The following CDC25A variants were observed in gnomAD, a reference collection of about 807,000 sequenced individuals.
CDC25A encodes the protein M-phase inducer phosphatase 1.
Under a neutral mutation model 64.6 loss-of-function variants are expected in CDC25A, and 17 were observed. That is an observed-to-expected ratio of 0.26 (90% CI 0.18 to 0.39). CDC25A has a LOEUF of 0.39. CDC25A is among the 10% of genes least tolerant of loss of function. The pLI is 1.00. For missense variants in CDC25A, 473 were observed against 654.8 expected (o/e 0.72, Z 3.03); for synonymous variants, 229 against 238.6 (o/e 0.96, Z 0.37).
chr3:48,164,266 T>A (rs765264811), intron 13 of CDC25A, 41 bp downstream of exon 13: 5 of 1,468,192 alleles, frequency 3.4e-6, no homozygotes. Context: ...AAAAGCATCA[T>A]GGAGCCTGTG....
intron 2 of CDC25A, among the ~76,000 whole-genome samples, chr3:48,186,178 C>T (rs2032836215): frequency 1.3e-5 from 2 of 152,294 alleles, no homozygotes; most frequent in South Asian, 2.1e-4. Context: ...CTTTACTACC[C>T]ATCCTTCAAG....
At chr3:48,161,926 T>C (rs918212929) in intron 13 of CDC25A, among the ~76,000 whole-genome samples, 3 of 152,138 alleles carry the variant, frequency 2.0e-5, no homozygotes, top group Middle Eastern at 3.4e-3. Flanking sequence ...CTTGGCATGG[T>C]GGCATGCACC....
At chr3:48,164,771 A>G (rs2031932400) in intron 12 of CDC25A, among the ~76,000 whole-genome samples, 1 of 152,174 alleles carries the variant, frequency 6.6e-6, no homozygotes. Flanking sequence ...TCGTATTTAA[A>G]GTACCTCCTT....
At position 48,158,613 on chromosome 3, in the gene CDC25A, C is replaced by T. The variant is rs183704983; in HGVS notation, c.*332G>A. On this transcript the variant is annotated 3_prime_UTR_variant, in exon 15 of 15. Coordinates refer to ENST00000302506, the MANE Select transcript of CDC25A (RefSeq NM_001789.3). ...GTAACTTCTCTACTCCCCTCCGTCT[C>T]CTCTCCCCTCATGAGATGGCTGGAG... 6.2e-4 allele frequency: 140 copies of T among 227,114 alleles called. No individual in the cohort carries two copies. Among genetic ancestry groups the T allele is most frequent in the Non-Finnish European group, 1.0e-3 (118 of 115,434 alleles). 14.1% of individuals were successfully genotyped at this position (227,114 alleles called of 1,614,324 possible). A position where few individuals can be genotyped will look rare whatever the true frequency, so the allele number is the denominator to read the frequency against.
At chr3:48,185,523 A>C (rs956691293) in intron 2 of CDC25A, among the ~76,000 whole-genome samples, 1 of 151,800 alleles carries the variant, frequency 6.6e-6, no homozygotes, top group African/African-American at 2.4e-5. Flanking sequence ...CAGAAGTTTG[A>C]GACCCACACC....
chr3:48,180,932 C>T, intron 5 of CDC25A, 92 bp from the exon 6 acceptor site: 1 of 1,184,458 alleles, frequency 8.4e-7, no homozygotes. Flanking sequence ...CACTGATCAC[C>T]TTTCTGCCTC....
intron 6 of CDC25A, 128 bp from the exon 7 acceptor site, chr3:48,178,116 A>G: frequency 1.3e-6 from 1 of 795,474 alleles, no homozygotes; most frequent in South Asian, 1.7e-5. Flanking sequence ...AATTTTAGCC[A>G]TTACTGATTA....
intron 5 of CDC25A, chr3:48,181,758 T>C (rs1018646411): frequency 2.9e-6 from 2 of 679,442 alleles, no homozygotes; most frequent in Admixed American, 4.6e-5. Flanking sequence ...GTTCACATTT[T>C]AAAGTTCTGA....
At chr3:48,184,179 C>T (rs545034621) in intron 3 of CDC25A, among the ~76,000 whole-genome samples, 1 of 152,176 alleles carries the variant, frequency 6.6e-6, no homozygotes, top group South Asian at 2.1e-4. Context: ...CTGGCCAACA[C>T]GATGAAACCT....
chr3:48,186,106 G>A (rs2032833820), intron 2 of CDC25A, among the ~76,000 whole-genome samples: 2 of 152,160 alleles, frequency 1.3e-5, no homozygotes. Flanking sequence ...CCAATCATTT[G>A]ATCCTGTATT....
chr3:48,169,829 G>A (rs1457146430), intron 9 of CDC25A, among the ~76,000 whole-genome samples: 3 of 151,966 alleles, frequency 2.0e-5, no homozygotes, highest in South Asian at 2.1e-4. Flanking sequence ...CCAACATGGT[G>A]AAACCCCGTC....
Position 48,164,564 on chromosome 3 carries a change from C to A in CDC25A, c.1192-127G>T, listed in dbSNP as rs576207611. 42 of 891,878 alleles carry A rather than the reference C, an allele frequency of 4.7e-5. No individual in the cohort carries two copies. The African/African-American group carries it at 6.8e-4, about 14-fold the overall frequency. 55.2% of individuals were successfully genotyped at this position (891,878 alleles called of 1,614,324 possible). A position where few individuals can be genotyped will look rare whatever the true frequency, so the allele number is the denominator to read the frequency against. On this transcript the variant is annotated intron_variant, in intron 12 of 14. Coordinates refer to ENST00000302506, the MANE Select transcript of CDC25A (RefSeq NM_001789.3). ...AGACCAGTTTGTGATTTTTGCAGTT[C>A]TTCTAGCTGAATAGCCCAGTAGACC...
chr3:48,172,627 C>T (rs1352280878), intron 9 of CDC25A, among the ~76,000 whole-genome samples: 1 of 152,208 alleles, frequency 6.6e-6, no homozygotes, highest in Non-Finnish European at 1.5e-5. Flanking sequence ...CTTTGGGAGG[C>T]CAAGGCGGGA....
intron 12 of CDC25A, 69 bp from the exon 13 acceptor site, chr3:48,164,506 A>G: frequency 4.3e-6 from 6 of 1,380,194 alleles, no homozygotes; most frequent in Non-Finnish European, 4.8e-6. Flanking sequence ...AGCAAGATGT[A>G]ATGATTCATC....
At chr3:48,183,402 G>A (rs2032735856) in intron 4 of CDC25A, among the ~76,000 whole-genome samples, 1 of 152,206 alleles carries the variant, frequency 6.6e-6, no homozygotes, top group Non-Finnish European at 1.5e-5. Flanking sequence ...GTACTTATGA[G>A]ACTAAGGAAA....
intron 8 of CDC25A, among the ~76,000 whole-genome samples, chr3:48,175,283 G>A (rs1234010633): frequency 6.6e-6 from 1 of 152,100 alleles, no homozygotes; most frequent in Non-Finnish European, 1.5e-5. Context: ...GGGTGACAGA[G>A]CAAGACTCTG....
rs1355044880 is a variant in CDC25A, at chr3:48,159,170, T to C, written c.1435-85A>G. On this transcript the variant is annotated intron_variant, in intron 14 of 14. Coordinates refer to ENST00000302506, the MANE Select transcript of CDC25A (RefSeq NM_001789.3). ...TCCTCTCTGCCTAGGGCTACAAGGC[T>C]GAAAGCGGCCAGGCAGACCTAGGGA... 135 of 1,525,180 alleles carry C rather than the reference T, an allele frequency of 8.9e-5. 3 individuals are homozygous for C. In the South Asian group the frequency reaches 1.1e-3, roughly 13 times the overall value. The allele number at this position is 1,525,180 out of a possible 1,614,324, so 94.5% of individuals were successfully genotyped here.
chr3:48,165,815 A>G lies in CDC25A; in HGVS notation c.1092+16T>C, dbSNP rs369133859. 5 of 1,605,250 alleles carry G rather than the reference A, an allele frequency of 3.1e-6. No individual in the cohort carries two copies. The highest frequency in any genetic ancestry group is 1.1e-5 in the South Asian group (1 of 90,908). On this transcript the variant is annotated intron_variant, in intron 11 of 14. Coordinates refer to ENST00000302506, the MANE Select transcript of CDC25A (RefSeq NM_001789.3). Reference sequence around the variant, plus strand: ...AAGTACCCGATGTGTGGTGGGTTTCAAAAGGATGGACTTACAATTTCTGGA... The same window carrying G: ...AAGTACCCGATGTGTGGTGGGTTTCGAAAGGATGGACTTACAATTTCTGGA...
intron 9 of CDC25A, among the ~76,000 whole-genome samples, 172 bp downstream of exon 9, chr3:48,174,112 C>T (rs767468940): frequency 4.6e-5 from 7 of 152,016 alleles, no homozygotes; most frequent in Non-Finnish European, 1.0e-4. Flanking sequence ...TGGGCAACAT[C>T]GCTAGATCCC....
Sources: gnomAD v4.1 joint callset for allele counts (sites outside exome capture counted in the v4.1 genomes callset) on GRCh38, gnomAD v4.1.1 for gene constraint, MANE v1.5 for transcripts, NCBI Gene and HGNC (gene_info 2026-07-23, HGNC 2026-07-21) for gene names.